The following PCDH15 variants were observed in gnomAD, a reference collection of about 807,000 sequenced individuals.
PCDH15 encodes the protein protocadherin-15.
In PCDH15, 129 loss-of-function variants were observed where a neutral mutation model predicts 178.5. The ratio of observed to expected loss-of-function variants is 0.72; its 90% confidence interval spans 0.63 to 0.84. The LOEUF is 0.84. PCDH15 is among the 40% of genes least tolerant of loss of function. The pLI is 0.00. For synonymous variants in PCDH15, 800 were observed against 732.0 expected, an observed-to-expected ratio of 1.09 and a Z score of -1.50; for missense variants, 2,230 against 2,099.9, an observed-to-expected ratio of 1.06 and a Z score of -1.21.
chr10:54,243,066 A>G (rs112744662), intron 8 of PCDH15, among the ~76,000 whole-genome samples: 4,592 of 152,300 alleles, frequency 0.03, 97 homozygotes, highest in South Asian at 0.077. Flanking sequence ...TAGTAACTAT[A>G]TAATTTAATA....
intron 2 of PCDH15, among the ~76,000 whole-genome samples, chr10:55,551,232 A>G (rs1001346189): frequency 6.6e-6 from 1 of 152,010 alleles, no homozygotes; most frequent in East Asian, 1.9e-4. Context: ...TATCTGTAGT[A>G]GGTAGTAGTT....
chr10:53,995,656 T>A lies in PCDH15; in HGVS notation c.2861A>T (p.Asp954Val). 6.2e-7 allele frequency: 1 copy of A among 1,613,912 alleles called. No individual in the cohort carries two copies. Among genetic ancestry groups the A allele is most frequent in the Non-Finnish European group, 8.5e-7 (1 of 1,179,816 alleles). ...TCAATGCCTTCTACTTACAGGAGGG[T>A]CTGCATCTTCAGCATAAACTGTTGT... ...PITTVYAEDA[D>V]PPGLPASRVR... The change falls in exon 21 of 38, where the codon GAC becomes GTC. Residue 954 changes from aspartate to valine, a missense_variant. Asp to Val is a radical substitution (Grantham distance 152). Coordinates refer to ENST00000644397, the MANE Select transcript of PCDH15 (RefSeq NM_001384140.1).
intron 2 of PCDH15, among the ~76,000 whole-genome samples, chr10:55,033,883 T>A (rs1692066664): frequency 6.6e-6 from 1 of 152,158 alleles, no homozygotes; most frequent in Non-Finnish European, 1.5e-5. Context: ...GATTAGGCCA[T>A]AAGGGCTCTT....
rs185070727 is a variant in PCDH15 at position 54,246,721 on chromosome 10, A to G, written c.877-9790T>C. 1.0e-3 allele frequency among the ~76,000 whole-genome samples: 156 copies of G among 152,038 alleles called. 2 individuals carry two copies. Among genetic ancestry groups the G allele is most frequent in the Non-Finnish European group, 1.9e-3 (131 of 67,808 alleles). On this transcript the variant is annotated intron_variant, in intron 8 of 37. Transcript: ENST00000644397. ...AAGAATAAAGTTGCAGAGTATGTAT[A>G]CATTCTGATAGGCTAGATTACTGTC...
intron 13 of PCDH15, among the ~76,000 whole-genome samples, chr10:54,162,514 A>G (rs550369190): frequency 5.9e-5 from 9 of 152,326 alleles, no homozygotes; most frequent in African/African-American, 2.2e-4. Flanking sequence ...ACAAACAAAG[A>G]TTTCAAGATA....
intron 1 of PCDH15, among the ~76,000 whole-genome samples, chr10:54,687,389 T>C (rs2095032914): frequency 6.6e-6 from 1 of 152,122 alleles, no homozygotes; most frequent in African/African-American, 2.4e-5. Context: ...CTATTTACAA[T>C]ATCCAAGATG....
At chr10:55,140,260 T>A (rs1197411222) in intron 2 of PCDH15, among the ~76,000 whole-genome samples, 1 of 152,054 alleles carries the variant, frequency 6.6e-6, no homozygotes, top group Middle Eastern at 3.4e-3. Context: ...TTTGGTACTA[T>A]GTTGCATGAA....
At chr10:53,883,150 C>T (rs895285306) in intron 26 of PCDH15, among the ~76,000 whole-genome samples, 1 of 127,390 alleles carries the variant, frequency 7.8e-6, no homozygotes, top group Non-Finnish European at 1.6e-5. Flanking sequence ...AATACACACA[C>T]ATATATACAC....
intron 8 of PCDH15, among the ~76,000 whole-genome samples, chr10:54,257,067 A>AGAT (rs2056955260): frequency 6.6e-6 from 1 of 151,888 alleles, no homozygotes; most frequent in Non-Finnish European, 1.5e-5. Context: ...ATAGATAGAT[A>AGAT]GATAGATAGA....
chr10:54,351,225 C>T (rs1412905420), intron 5 of PCDH15, among the ~76,000 whole-genome samples: 1 of 152,102 alleles, frequency 6.6e-6, no homozygotes, highest in East Asian at 1.9e-4. Context: ...ATAGATAACT[C>T]TTTAATGCTA....
chr10:54,765,151 T>C lies in PCDH15; in HGVS notation c.-29+35774A>G, dbSNP rs151286453. Among the ~76,000 whole-genome samples the C allele has an allele frequency of 4.2e-3, 639 of 152,266 alleles. 1 individual carries two copies. The highest frequency in any genetic ancestry group is 0.01 in the Middle Eastern group (3 of 294). On this transcript the variant is annotated intron_variant, in intron 1 of 37. Coordinates refer to ENST00000644397, the MANE Select transcript of PCDH15 (RefSeq NM_001384140.1). ...TAAGAATCTATACTAATTTCAACTC[T>C]CTTAGACAAAATTTCACATAGGCCA...
chr10:55,535,858 T>C (rs1457832288), intron 2 of PCDH15, among the ~76,000 whole-genome samples: 1 of 152,154 alleles, frequency 6.6e-6, no homozygotes, highest in South Asian at 2.1e-4. Flanking sequence ...TTAACTGTCA[T>C]CTTTGAAAAA....
intron 2 of PCDH15, among the ~76,000 whole-genome samples, chr10:55,527,984 C>T (rs1338809647): frequency 6.6e-6 from 1 of 151,920 alleles, no homozygotes; most frequent in Non-Finnish European, 1.5e-5. Flanking sequence ...AAGCAAGCTA[C>T]ACTGATATTG....
intron 1 of PCDH15, among the ~76,000 whole-genome samples, chr10:55,167,322 C>T (rs1445099500): frequency 1.3e-5 from 2 of 152,018 alleles, no homozygotes; most frequent in Non-Finnish European, 2.9e-5. Flanking sequence ...TGCCATGTTG[C>T]CCAGGCTTGT....
chr10:55,313,166 C>G (rs1843632929), intron 1 of PCDH15, among the ~76,000 whole-genome samples: 2 of 151,996 alleles, frequency 1.3e-5, no homozygotes, highest in African/African-American at 4.8e-5. Context: ...TAAGACACTA[C>G]TCATACATAT....
Position 53,821,754 on chromosome 10 carries a change from T to C in PCDH15, c.4368-1524A>G, listed in dbSNP as rs543424249. ...AGAAAAAAAACTGCATTTCATTGAATTTGGGGTAAAATAATAGAGTCTTCT... is the reference window on the plus strand; with the variant it reads ...AGAAAAAAAACTGCATTTCATTGAACTTGGGGTAAAATAATAGAGTCTTCT... On this transcript the variant is annotated intron_variant, in intron 32 of 37. Coordinates refer to ENST00000644397, the MANE Select transcript of PCDH15 (RefSeq NM_001384140.1). 7.7e-6 allele frequency: 12 copies of C among 1,555,536 alleles called. No homozygotes were observed. The East Asian group carries it at 2.7e-4, about 35-fold the overall frequency.
intron 6 of PCDH15, among the ~76,000 whole-genome samples, chr10:54,336,421 T>A (rs1307186898): frequency 1.3e-5 from 2 of 151,986 alleles, no homozygotes; most frequent in Non-Finnish European, 1.5e-5. Context: ...AAAAAAGCGG[T>A]TTCATGGGCC....
chr10:55,280,096 G>C (rs1446103864), intron 1 of PCDH15, among the ~76,000 whole-genome samples: 1 of 151,834 alleles, frequency 6.6e-6, no homozygotes, highest in Non-Finnish European at 1.5e-5. Context: ...AGACAAGCAG[G>C]TGAACAAAAG....
chr10:53,960,448 T>C (rs2088177692), intron 22 of PCDH15, among the ~76,000 whole-genome samples: 1 of 152,170 alleles, frequency 6.6e-6, no homozygotes, highest in Non-Finnish European at 1.5e-5. Flanking sequence ...CAGAAATTGT[T>C]CAAATGATGA....
Sources: allele counts gnomAD v4.1 joint callset (sites outside exome capture counted in the v4.1 genomes callset), GRCh38; gene constraint gnomAD v4.1.1; transcripts MANE v1.5; gene names NCBI Gene and HGNC (gene_info 2026-07-23, HGNC 2026-07-21).